The following SLC9B2 variants were observed in gnomAD, a reference collection of about 807,000 sequenced individuals.
SLC9B2 encodes solute carrier family 9 member B2.
A neutral mutation model predicts 52.2 loss-of-function variants in SLC9B2; 39 were observed. The observed-to-expected ratio is 0.75, with a 90% CI of 0.58 to 0.98. SLC9B2 has a LOEUF of 0.98. SLC9B2 is among the 50% of genes least tolerant of loss of function. SLC9B2 has a pLI of 0.00. For synonymous variants in SLC9B2, 214 were observed against 227.0 expected (o/e 0.94, Z 0.51); for missense variants, 626 against 637.5 (o/e 0.98, Z 0.19).
chr4:103,031,269 G>C (rs1742676128), intron 10 of SLC9B2, among the ~76,000 whole-genome samples: 1 of 152,172 alleles, frequency 6.6e-6, no homozygotes, highest in African/African-American at 2.4e-5. Context: ...GCTTTTGAAT[G>C]TAGGAATAAA....
intron 3 of SLC9B2, chr4:103,065,475 A>G (rs1746041106): frequency 6.6e-6 from 1 of 152,220 alleles, no homozygotes; most frequent in Non-Finnish European, 1.5e-5. Flanking sequence ...ATCATGTTGC[A>G]CATGGTAAAT....
chr4:103,074,772 A>G (rs906967971), intron 1 of SLC9B2, among the ~76,000 whole-genome samples: 2 of 152,214 alleles, frequency 1.3e-5, no homozygotes, highest in African/African-American at 2.4e-5. Context: ...AAACAAAACA[A>G]CAACAATAAA....
At position 103,067,452 on chromosome 4, in the gene SLC9B2, T is replaced by C. The variant is rs1462965038; in HGVS notation, c.90+9A>G. 3.1e-6 allele frequency: 5 copies of C among 1,607,018 alleles called. No individual in the cohort carries two copies. The African/African-American group carries it at 6.7e-5, about 21-fold the overall frequency. On this transcript the variant is annotated intron_variant, in intron 2 of 11. Transcript: ENST00000394785. The stretch of plus-strand genomic sequence containing the variant: ...AAGAAAACACAATTCTATCACAGCT[T>C]AGATTTACCTGTGCTTCTTGATGCA...
chr4:103,076,658 C>CA lies in SLC9B2; in HGVS notation c.-518_-517insT. On this transcript the variant is annotated 5_prime_UTR_variant, in exon 1 of 12. Transcript: ENST00000394785. ...CTTTCAGCTGCTTATCCTCCCTGGG[C>CA]GGGTCCGCAGGCTTCTGGGGCCAGG... 1 of 152,390 alleles carries CA rather than the reference C, an allele frequency of 6.6e-6. No homozygotes were observed. The highest frequency in any genetic ancestry group is 2.4e-5 in the African/African-American group (1 of 41,594). The allele number at this position is 152,390 out of a possible 1,614,324, so 9.4% of individuals were successfully genotyped here.
At chr4:103,068,636 T>G (rs765691646) in intron 1 of SLC9B2, among the ~76,000 whole-genome samples, 16 of 152,166 alleles carry the variant, frequency 1.1e-4, no homozygotes, top group Non-Finnish European at 2.2e-4. Context: ...ATTGGGGTAA[T>G]TGTTTAAACC....
At position 103,026,573 on chromosome 4, in the gene SLC9B2, CCA is replaced by C. The variant is rs1367956135; in HGVS notation, c.1409_1410del (p.Val470GlyfsTer51). 3 of 1,613,174 alleles carry C rather than the reference CCA, an allele frequency of 1.9e-6. No individual in the cohort carries two copies. The highest frequency in any genetic ancestry group is 3.3e-5 in the Admixed American group (2 of 59,928). On this transcript the variant is annotated frameshift_variant, in exon 12 of 12. Transcript: ENST00000394785. The part of the protein sequence containing the change: ...KATVQAAIGS[V>X]ALDTARSHGE... ...CCATGTGACCTTGCTGTGTCCAAAG[CCA>C]CAGATCCTATTGCAGCCTATAAAAG... is the stretch of plus-strand genomic sequence containing the variant.
Position 103,050,314 on chromosome 4 carries a change from T to A in SLC9B2, c.511A>T (p.Lys171Ter). 6.2e-7 allele frequency: 1 copy of A among 1,610,362 alleles called. No individual in the cohort carries two copies. Among genetic ancestry groups the A allele is most frequent in the Non-Finnish European group, 8.5e-7 (1 of 1,178,356 alleles). ...ATGCTTCTCAAAGAGGAAGACCACT[T>A]GTGCTTGATCTGCACATTATCGTTG... ...VINDNVQIKH[K>*]WSSSLRSIAL... is the part of the protein sequence containing the mutation. The change falls in exon 5 of 12, where the codon AAG becomes TAG. Residue 171 changes from lysine to a stop codon, truncating the protein, a stop_gained. Coordinates refer to ENST00000394785, the MANE Select transcript of SLC9B2 (RefSeq NM_178833.7). LOFTEE classifies it high-confidence loss of function.
At chr4:103,068,974 T>G (rs1333991659) in intron 1 of SLC9B2, among the ~76,000 whole-genome samples, 2 of 152,204 alleles carry the variant, frequency 1.3e-5, no homozygotes, top group Non-Finnish European at 2.9e-5. Flanking sequence ...CACCCCCATT[T>G]TTCCTACTTA....
At chr4:103,052,626 A>G (rs1178778369) in intron 4 of SLC9B2, among the ~76,000 whole-genome samples, 2 of 152,192 alleles carry the variant, frequency 1.3e-5, no homozygotes, top group African/African-American at 4.8e-5. Context: ...TAACAATGGC[A>G]TTCAATGACC....
Position 103,035,339 on chromosome 4 carries a change from C to T in SLC9B2, c.1147-3531G>A, listed in dbSNP as rs574471937. On this transcript the variant is annotated intron_variant, in intron 9 of 11. Coordinates refer to ENST00000394785, the MANE Select transcript of SLC9B2 (RefSeq NM_178833.7). ...TTCTTTTTTATGGCTGCATAGTATTCGATGGGGTATATATACACCACATTT... is the reference window on the plus strand; with the variant it reads ...TTCTTTTTTATGGCTGCATAGTATTTGATGGGGTATATATACACCACATTT... Among the ~76,000 whole-genome samples, 7 of 152,168 alleles carry T rather than the reference C, an allele frequency of 4.6e-5. No homozygotes were observed. In the South Asian group the frequency reaches 8.3e-4, roughly 18 times the overall value.
At chr4:103,019,465 A>C, downstream of SLC9B2, 1 of 483,956 alleles carries the variant, frequency 2.1e-6, no homozygotes, top group Non-Finnish European at 2.7e-6. Context: ...GTCTGGGAGA[A>C]GAGCCCAAGA....
intron 3 of SLC9B2, among the ~76,000 whole-genome samples, chr4:103,065,209 T>C (rs996775392): frequency 2.5e-4 from 31 of 126,020 alleles, no homozygotes; most frequent in Non-Finnish European, 3.9e-4. Flanking sequence ...CACACACACA[T>C]ATAACTCAAG....
intron 3 of SLC9B2, among the ~76,000 whole-genome samples, chr4:103,059,424 G>T (rs144851359): frequency 2.0e-5 from 3 of 152,240 alleles, no homozygotes; most frequent in Admixed American, 1.3e-4. Context: ...AAGGAAAAGC[G>T]TTGGCAGCTT....
chr4:103,043,152 A>G, intron 9 of SLC9B2, 144 bp downstream of exon 9: 11 of 822,886 alleles, frequency 1.3e-5, no homozygotes, highest in Non-Finnish European at 1.8e-5. Context: ...AAAGATGAAC[A>G]CTGGGTGTAC....
intron 10 of SLC9B2, among the ~76,000 whole-genome samples, chr4:103,030,655 T>C (rs1323196245): frequency 6.6e-6 from 1 of 151,960 alleles, no homozygotes; most frequent in Non-Finnish European, 1.5e-5. Context: ...ATTTTATATA[T>C]ATATAATTTT....
intron 3 of SLC9B2, among the ~76,000 whole-genome samples, chr4:103,064,490 G>C (rs1745929942): frequency 6.6e-6 from 1 of 152,170 alleles, no homozygotes; most frequent in Admixed American, 6.5e-5. Flanking sequence ...ACCAGGGACT[G>C]GGGAGGGGAG....
intron 1 of SLC9B2, among the ~76,000 whole-genome samples, chr4:103,073,251 A>T (rs1746828811): frequency 6.6e-6 from 1 of 152,222 alleles, no homozygotes; most frequent in Non-Finnish European, 1.5e-5. Flanking sequence ...ATGCCTTTGA[A>T]AGAGCATCAC....
chr4:103,067,355 C>A, intron 2 of SLC9B2, 106 bp downstream of exon 2: 1 of 958,550 alleles, frequency 1.0e-6, no homozygotes, highest in East Asian at 2.5e-5. Flanking sequence ...GCTGGGAAAA[C>A]TGGTAGTCAC....
Position 103,024,639 on chromosome 4 carries a change from C to T in SLC9B2, c.*1731G>A, listed in dbSNP as rs1742050231. 6.6e-6 allele frequency among the ~76,000 whole-genome samples: 1 copy of T among 152,282 alleles called. No individual in the cohort carries two copies. Among genetic ancestry groups the T allele is most frequent in the Admixed American group, 6.5e-5 (1 of 15,292 alleles). Reference sequence around the variant, plus strand: ...TCATCTAATACATATTTAATATCTACTTCAAGATTAAAATGAACTTTGAAT... The same window carrying T: ...TCATCTAATACATATTTAATATCTATTTCAAGATTAAAATGAACTTTGAAT... On this transcript the variant is annotated 3_prime_UTR_variant, in exon 12 of 12. Coordinates refer to ENST00000394785, the MANE Select transcript of SLC9B2 (RefSeq NM_178833.7).
Sources: allele counts gnomAD v4.1 joint callset (sites outside exome capture counted in the v4.1 genomes callset), GRCh38; gene constraint gnomAD v4.1.1; transcripts MANE v1.5; gene names NCBI Gene and HGNC (gene_info 2026-07-23, HGNC 2026-07-21).